C1orf54: variants seen among roughly 807,000 people sequenced by gnomAD.
The protein encoded by C1orf54 is chromosome 1 open reading frame 54, also known as uncharacterized protein C1orf54.
A neutral mutation model predicts 14.7 loss-of-function variants in C1orf54; 12 were observed. The observed-to-expected ratio is 0.82, with a 90% CI of 0.52 to 1.32. The LOEUF is 1.32. Among genes scored for constraint, C1orf54 ranks in the 40% most tolerant of loss-of-function variants. C1orf54 has a pLI of 0.00. For synonymous variants in C1orf54, 65 were observed against 56.3 expected (o/e 1.16, Z -0.70); for missense variants, 163 against 162.2 (o/e 1.00, Z -0.03).
chr1:150,279,719 T>G lies in C1orf54; in HGVS notation c.377T>G (p.Val126Gly). Reference protein sequence around the residue: ...PLLLSCAFVQVGMYFM With the variant: ...PLLLSCAFVQGGMYFM ...CTCCTGTCGTGTGCCTTTGTTCAGG[T>G]GGGGATGTATTTCATGTAGAAGGTA... is the stretch of plus-strand genomic sequence containing the variant. Residue 126 changes from valine (V) to glycine (G), a missense_variant, in exon 5 of 6, where the codon GTG becomes GGG. By Grantham distance (109) the Val-to-Gly change is moderately radical (BLOSUM62 -3). Coordinates refer to ENST00000369099, the MANE Select transcript of C1orf54 (RefSeq NM_024579.4). The G allele has an allele frequency of 6.2e-7, 1 of 1,612,192 alleles. No individual in the cohort carries two copies. Among genetic ancestry groups the G allele is most frequent in the Non-Finnish European group, 8.5e-7 (1 of 1,179,102 alleles).
chr1:150,270,519 T>G (rs1193602238), upstream of C1orf54, among the ~76,000 whole-genome samples: 1 of 152,040 alleles, frequency 6.6e-6, no homozygotes, highest in East Asian at 1.9e-4. Context: ...GGTGCGCACC[T>G]GTAGTCCCAG....
intron 5 of C1orf54, 32 bp from the exon 6 acceptor site, chr1:150,280,803 C>A: frequency 4.5e-6 from 7 of 1,541,594 alleles, no homozygotes; most frequent in Non-Finnish European, 6.1e-6. Flanking sequence ...CTCCTGACTC[C>A]TTTTATTTTC....
upstream of C1orf54, chr1:150,269,173 G>A (rs911956574): frequency 3.0e-5 from 7 of 234,454 alleles, no homozygotes; most frequent in South Asian, 3.5e-4. Context: ...GCTCGAGCCG[G>A]TTAATGGGGG....
chr1:150,270,895 C>A (rs1652158300), upstream of C1orf54, among the ~76,000 whole-genome samples: 1 of 145,848 alleles, frequency 6.9e-6, no homozygotes, highest in Admixed American at 7.1e-5. Context: ...ACTCAGGAGG[C>A]TGAGGCAGGA....
At chr1:150,272,674 T>C (rs1572098017), upstream of C1orf54, 1 of 764,774 alleles carries the variant, frequency 1.3e-6, no homozygotes, top group Non-Finnish European at 2.2e-6. Context: ...AGTCAGCCAG[T>C]AGGCGGGGAG....
At chr1:150,273,406 T>G (rs1385302832) in intron 1 of C1orf54, among the ~76,000 whole-genome samples, 2 of 152,216 alleles carry the variant, frequency 1.3e-5, no homozygotes, top group African/African-American at 4.8e-5. Flanking sequence ...TTCCTCTAGA[T>G]TCTTGTGTCA....
chr1:150,272,964 G>T, intron 1 of C1orf54, 101 bp downstream of exon 1: 3 of 1,309,866 alleles, frequency 2.3e-6, no homozygotes, highest in Non-Finnish European at 3.3e-6. Context: ...ATTTCAGTGG[G>T]GAGCGATAGA....
At chr1:150,272,095 G>A (rs960282214), upstream of C1orf54, among the ~76,000 whole-genome samples, 5 of 151,806 alleles carry the variant, frequency 3.3e-5, no homozygotes, top group South Asian at 6.2e-4. Flanking sequence ...AGCCGAGATC[G>A]CGCCACTGCA....
chr1:150,270,018 C>T (rs948635728), upstream of C1orf54, among the ~76,000 whole-genome samples: 1 of 151,974 alleles, frequency 6.6e-6, no homozygotes, highest in African/African-American at 2.4e-5. Flanking sequence ...GCCTGGGCAA[C>T]GGAGTGAGGT....
rs1274909708 is a variant in C1orf54 at position 150,273,156 on chromosome 1, G to A, written c.46+293G>A. On this transcript the variant is annotated intron_variant, in intron 1 of 5. Coordinates refer to ENST00000369099, the MANE Select transcript of C1orf54 (RefSeq NM_024579.4). ...CCACGGAAGTTGAACAAGATGACAG[G>A]GGCTAAAGTAAGGGTGAAGGAGGGA... 2.6e-5 allele frequency among the ~76,000 whole-genome samples: 4 copies of A among 152,272 alleles called. No homozygotes were observed. In the East Asian group the frequency reaches 5.8e-4, roughly 22 times the overall value.
intron 4 of C1orf54, among the ~76,000 whole-genome samples, chr1:150,277,600 G>A (rs1652775666): frequency 6.6e-6 from 1 of 151,298 alleles, no homozygotes; most frequent in South Asian, 2.1e-4. Context: ...ATGATTGAAG[G>A]AGAGGGTATA....
Position 150,274,186 on chromosome 1 carries a change from G to C in C1orf54, c.130+16G>C. The C allele has an allele frequency of 6.3e-7, 1 of 1,577,988 alleles. No homozygotes were observed. Among genetic ancestry groups the C allele is most frequent in the South Asian group, 1.1e-5 (1 of 90,038 alleles). The stretch of plus-strand genomic sequence containing the variant: ...CCCAGTTATGGTGAGTACATGAAAG[G>C]CTCTTGCCCTTAGCCAACTGGAGAG... On this transcript the variant is annotated intron_variant, in intron 2 of 5. Coordinates refer to ENST00000369099, the MANE Select transcript of C1orf54 (RefSeq NM_024579.4).
intron 2 of C1orf54, among the ~76,000 whole-genome samples, chr1:150,275,535 T>G (rs1196310105): frequency 6.6e-6 from 1 of 152,104 alleles, no homozygotes; most frequent in Non-Finnish European, 1.5e-5. Context: ...TTTTTCAAAT[T>G]TGTAAATTAT....
upstream of C1orf54, among the ~76,000 whole-genome samples, chr1:150,270,603 A>G (rs1553851085): frequency 1.4e-4 from 21 of 152,122 alleles, no homozygotes. Flanking sequence ...AGATCCCACC[A>G]CTGCACTCCA....
chr1:150,272,822 A>G lies in C1orf54; in HGVS notation c.5A>G (p.Asp2Gly). 4.3e-6 allele frequency: 7 copies of G among 1,614,026 alleles called. No homozygotes were observed. The highest frequency in any genetic ancestry group is 5.1e-6 in the Non-Finnish European group (6 of 1,179,988). ...AGCAATAGTGCAGAATCCAGAATGG[A>G]TGTCCTCTTTGTAGCCATCTTTGCT... Reference protein sequence around the residue: MDVLFVAIFAVP... With the variant: MGVLFVAIFAVP... The change falls in exon 1 of 6, where the codon GAT becomes GGT. Residue 2 changes from aspartate (D) to glycine (G), a missense_variant. Coordinates refer to ENST00000369099, the MANE Select transcript of C1orf54 (RefSeq NM_024579.4).
chr1:150,272,023 C>T (rs112982281), upstream of C1orf54, among the ~76,000 whole-genome samples: 742 of 152,150 alleles, frequency 4.9e-3, 12 homozygotes, highest in African/African-American at 0.017. Flanking sequence ...GCCTGTAGTC[C>T]CAGCTACCAG....
chr1:150,273,892 G>C lies in C1orf54; in HGVS notation c.47-195G>C, dbSNP rs181456536. 3.3e-5 allele frequency among the ~76,000 whole-genome samples: 5 copies of C among 152,272 alleles called. No individual in the cohort carries two copies. In the East Asian group the frequency reaches 9.7e-4, roughly 29 times the overall value. On this transcript the variant is annotated intron_variant, in intron 1 of 5. Coordinates refer to ENST00000369099, the MANE Select transcript of C1orf54 (RefSeq NM_024579.4). The stretch of plus-strand genomic sequence containing the variant: ...GCACGGAGTAACAGGCCTCATTACA[G>C]ATATGGATCCCAGAAGACTGAGAGG...
rs114793695 is a variant in C1orf54 at position 150,274,009 on chromosome 1, G to A, written c.47-78G>A. On this transcript the variant is annotated intron_variant, in intron 1 of 5. Transcript: ENST00000369099. ...AAGAAAGAGCAAGAAAGCTGGGAGC[G>A]CTGAGGTCATCTCCAGGTGTCCTTT... The A allele has an allele frequency of 3.7e-3, 3,313 of 906,398 alleles. 79 individuals carry two copies. In the African/African-American group the frequency reaches 0.048, roughly 13 times the overall value. 56.1% of individuals were successfully genotyped at this position (906,398 alleles called of 1,614,324 possible). A position where few individuals can be genotyped will look rare whatever the true frequency, so the allele number is the denominator to read the frequency against.
At chr1:150,280,020 AAAAT>A (rs1231078963) in intron 5 of C1orf54, among the ~76,000 whole-genome samples, 6 of 152,202 alleles carry the variant, frequency 3.9e-5, no homozygotes, top group African/African-American at 1.2e-4. Flanking sequence ...AAAAAAATTA[AAAAT>A]AAATAAATAA....
Sources: gnomAD v4.1 joint callset for allele counts (sites outside exome capture counted in the v4.1 genomes callset) on GRCh38, gnomAD v4.1.1 for gene constraint, MANE v1.5 for transcripts, NCBI Gene and HGNC (gene_info 2026-07-23, HGNC 2026-07-21) for gene names.